RB1CC1: variants seen among roughly 807,000 people sequenced by gnomAD.
RB1CC1 encodes RB1 inducible coiled-coil 1.
A neutral mutation model predicts 177.5 loss-of-function variants in RB1CC1; 46 were observed. That is an observed-to-expected ratio of 0.26 (90% confidence interval 0.20 to 0.33). The LOEUF (loss-of-function observed/expected upper bound fraction) is 0.33. Among genes scored for constraint, RB1CC1 ranks in the 10% least tolerant of loss-of-function variants. The pLI is 1.00. For synonymous variants in RB1CC1, 666 were observed against 613.6 expected (o/e 1.09, Z -1.26); for missense variants, 1,703 against 1,816.3 (o/e 0.94, Z 1.13).
At chr8:52,644,609 C>T (rs1435497134) in intron 16 of RB1CC1, among the ~76,000 whole-genome samples, 2 of 152,198 alleles carry the variant, frequency 1.3e-5, no homozygotes, top group Non-Finnish European at 2.9e-5. Flanking sequence ...ACTTAACTTT[C>T]CTTGGCTTCC....
chr8:52,664,591 G>A (rs1303001982), intron 8 of RB1CC1, among the ~76,000 whole-genome samples: 1 of 152,120 alleles, frequency 6.6e-6, no homozygotes, highest in Non-Finnish European at 1.5e-5. Flanking sequence ...GATGCTCTAT[G>A]AGCACAAGAC....
At chr8:52,676,322 T>C in intron 6 of RB1CC1, 47 bp downstream of exon 6, 2 of 1,527,132 alleles carry the variant, frequency 1.3e-6, no homozygotes, top group African/African-American at 2.8e-5. Flanking sequence ...CTGATAAATT[T>C]CAAAGGCATT....
intron 6 of RB1CC1, among the ~76,000 whole-genome samples, chr8:52,674,853 A>G (rs1028423820): frequency 6.6e-6 from 1 of 152,184 alleles, no homozygotes; most frequent in Non-Finnish European, 1.5e-5. Context: ...TTAAAGATGT[A>G]ACAAATTTAA....
At chr8:52,694,483 TTC>T (rs1855197332) in intron 1 of RB1CC1, among the ~76,000 whole-genome samples, 1 of 152,228 alleles carries the variant, frequency 6.6e-6, no homozygotes, top group Non-Finnish European at 1.5e-5. Context: ...AGCAGGAGTT[TTC>T]TCTCTTATTA....
chr8:52,665,933 G>T (rs1852025901), intron 8 of RB1CC1, among the ~76,000 whole-genome samples: 2 of 152,116 alleles, frequency 1.3e-5, no homozygotes, highest in Non-Finnish European at 2.9e-5. Context: ...AGGTACAATG[G>T]AACAGTTTAT....
intron 16 of RB1CC1, 33 bp from the exon 17 acceptor site, chr8:52,642,845 T>C (rs1239591063): frequency 1.4e-6 from 2 of 1,480,184 alleles, no homozygotes; most frequent in African/African-American, 1.4e-5. Flanking sequence ...TAAATTTATC[T>C]ACATGTACTT....
chr8:52,692,371 T>C (rs1854955214), intron 1 of RB1CC1, among the ~76,000 whole-genome samples: 1 of 151,976 alleles, frequency 6.6e-6, no homozygotes. Flanking sequence ...AAACATGAAG[T>C]TCCAAAATAC....
rs1437005600 is a variant in RB1CC1, at chr8:52,686,953, G to T, written c.-152C>A. On this transcript the variant is annotated 5_prime_UTR_variant, in exon 2 of 24. Coordinates refer to ENST00000025008, the MANE Select transcript of RB1CC1 (RefSeq NM_014781.5). ...GATTGGCAACTGAATGGCATTACTGGTTAAACTCAGAAAACTGGAAAAGAA... is the reference window on the plus strand; with the variant it reads ...GATTGGCAACTGAATGGCATTACTGTTTAAACTCAGAAAACTGGAAAAGAA... The T allele has an allele frequency of 2.2e-6, 1 of 456,370 alleles. No individual in the cohort carries two copies. Among genetic ancestry groups the T allele is most frequent in the African/African-American group, 2.0e-5 (1 of 50,046 alleles). 28.3% of individuals were successfully genotyped at this position (456,370 alleles called of 1,614,324 possible). A position where few individuals can be genotyped will look rare whatever the true frequency, so the allele number is the denominator to read the frequency against.
chr8:52,687,103 TATA>T (rs1216542745), intron 1 of RB1CC1, 136 bp from the exon 2 acceptor site: 1 of 354,988 alleles, frequency 2.8e-6, no homozygotes, highest in Non-Finnish European at 5.5e-6. Flanking sequence ...GCACATTCAC[TATA>T]ATAACAACCA....
intron 6 of RB1CC1, 46 bp downstream of exon 6, chr8:52,676,323 C>A: frequency 6.5e-7 from 1 of 1,530,118 alleles, no homozygotes; most frequent in African/African-American, 1.4e-5. Flanking sequence ...TGATAAATTT[C>A]AAAGGCATTT....
At chr8:52,687,640 C>CA (rs1854388052) in intron 1 of RB1CC1, among the ~76,000 whole-genome samples, 1 of 152,112 alleles carries the variant, frequency 6.6e-6, no homozygotes, top group South Asian at 2.1e-4. Context: ...GCTACAGTCT[C>CA]AGTCTGACAA....
chr8:52,650,850 C>A (rs1850513676), intron 15 of RB1CC1, among the ~76,000 whole-genome samples: 5 of 152,160 alleles, frequency 3.3e-5, no homozygotes. Flanking sequence ...CCAAATCCCA[C>A]CAAACCTTCC....
chr8:52,672,161 A>G (rs1189774074), intron 7 of RB1CC1, among the ~76,000 whole-genome samples: 1 of 152,118 alleles, frequency 6.6e-6, no homozygotes, highest in Non-Finnish European at 1.5e-5. Flanking sequence ...TTCATTCATT[A>G]TTTAGAGATA....
At chr8:52,653,652 CTCA>C (rs1249366263) in intron 15 of RB1CC1, among the ~76,000 whole-genome samples, 2 of 152,052 alleles carry the variant, frequency 1.3e-5, no homozygotes, top group Non-Finnish European at 2.9e-5. Flanking sequence ...CAATGGTTCC[CTCA>C]TCGAGACAGG....
chr8:52,661,155 C>T lies in RB1CC1; in HGVS notation c.1485G>A (p.Met495Ile), dbSNP rs757782094. ...CAACCTCAACAACAGCTAAGCAGTA[C>T]ATCTGAGGAACTGTACTAAGAGCTT... Reference protein sequence around the residue: ...IVEALSTVPQMYCLAVVEVVR... With the variant: ...IVEALSTVPQIYCLAVVEVVR... The change falls in exon 10 of 24, where the codon ATG becomes ATA. Residue 495 changes from methionine (M) to isoleucine (I), a missense_variant. This residue lies in a region of RB1CC1 where 1,169 missense variants were observed against 1,184.7 expected (regional missense o/e 0.99). Coordinates refer to ENST00000025008, the MANE Select transcript of RB1CC1 (RefSeq NM_014781.5). 1.9e-6 allele frequency: 3 copies of T among 1,613,856 alleles called. No individual in the cohort carries two copies. The highest frequency in any genetic ancestry group is 1.7e-5 in the Admixed American group (1 of 59,988).
intron 15 of RB1CC1, 69 bp from the exon 16 acceptor site, chr8:52,645,936 T>C: frequency 7.0e-7 from 1 of 1,425,808 alleles, no homozygotes; most frequent in Non-Finnish European, 9.6e-7. Flanking sequence ...AAATATCATA[T>C]TTGGGAAATT....
At position 52,661,189 on chromosome 8, in the gene RB1CC1, T is replaced by C; in HGVS notation, c.1451A>G (p.Lys484Arg). The C allele has an allele frequency of 1.1e-5, 18 of 1,613,980 alleles. No homozygotes were observed. The highest frequency in any genetic ancestry group is 2.2e-5 in the East Asian group (1 of 44,848). ...AACTGTACTAAGAGCTTCAACAATT[T>C]TGACTCTTTCTAACAGCTCTATTAC... ...RLVIELLERV[K>R]IVEALSTVPQ... Residue 484 changes from lysine to arginine, a missense_variant, in exon 10 of 24, where the codon AAA (lysine) becomes AGA (arginine). By Grantham distance (26) the Lys-to-Arg change is conservative. Transcript: ENST00000025008.
chr8:52,673,676 T>C (rs996295259), intron 7 of RB1CC1, among the ~76,000 whole-genome samples, 169 bp downstream of exon 7: 11 of 152,192 alleles, frequency 7.2e-5, no homozygotes, highest in Non-Finnish European at 1.0e-4. Context: ...AATCAATTCA[T>C]AAATAAAATT....
rs185678880 is a variant in RB1CC1 at position 52,668,282 on chromosome 8, A to G, written c.1003-91T>C. On this transcript the variant is annotated intron_variant, in intron 7 of 23. Coordinates refer to ENST00000025008, the MANE Select transcript of RB1CC1 (RefSeq NM_014781.5). ...ATTCTGACATACAGCTTGAGAGAAA[A>G]TAAGTGATAAAAGATATAAAAAAGC... is the stretch of plus-strand genomic sequence containing the variant. The G allele has an allele frequency of 2.6e-5, 37 of 1,420,032 alleles. No homozygotes were observed. The East Asian group carries it at 7.5e-4, about 29-fold the overall frequency. 88.0% of individuals were successfully genotyped at this position (1,420,032 alleles called of 1,614,324 possible). A position where few individuals can be genotyped will look rare whatever the true frequency, so the allele number is the denominator to read the frequency against.
Sources: allele counts gnomAD v4.1 joint callset (sites outside exome capture counted in the v4.1 genomes callset), GRCh38; gene constraint gnomAD v4.1.1; regional missense constraint gnomAD v4.1.1; transcripts MANE v1.5; gene names NCBI Gene and HGNC (gene_info 2026-07-23, HGNC 2026-07-21).